NR3C2: variants seen among roughly 807,000 people sequenced by gnomAD.
The protein encoded by NR3C2 is mineralocorticoid receptor.
A neutral mutation model predicts 86.4 loss-of-function variants in NR3C2; 15 were observed. That is an observed-to-expected ratio of 0.17 (90% CI 0.12 to 0.27). NR3C2 has a LOEUF of 0.27. Among genes scored for constraint, NR3C2 ranks in the 10% least tolerant of loss-of-function variants. NR3C2 has a pLI of 1.00. For synonymous variants in NR3C2, 458 were observed against 450.5 expected (o/e 1.02, Z -0.21); for missense variants, 960 against 1,195.6 (o/e 0.80, Z 2.91).
intron 8 of NR3C2, among the ~76,000 whole-genome samples, chr4:148,095,601 C>G (rs550477761): frequency 6.6e-6 from 1 of 152,176 alleles, no homozygotes; most frequent in Non-Finnish European, 1.5e-5. Context: ...TGAGCATGCT[C>G]GGTGCAGCAG....
At chr4:148,395,555 T>C (rs946468006) in intron 2 of NR3C2, among the ~76,000 whole-genome samples, 11 of 152,230 alleles carry the variant, frequency 7.2e-5, no homozygotes, top group African/African-American at 9.6e-5. Context: ...ACTTCTGTGA[T>C]TGAAGCAGAT....
chr4:148,439,390 C>A (rs140576998), intron 1 of NR3C2, among the ~76,000 whole-genome samples: 117 of 152,266 alleles, frequency 7.7e-4, no homozygotes, highest in African/African-American at 2.6e-3. Context: ...CCCCCACACA[C>A]CCCCAAATTC....
intron 3 of NR3C2, among the ~76,000 whole-genome samples, chr4:148,204,211 A>G (rs1466820616): frequency 6.6e-6 from 1 of 152,228 alleles, no homozygotes; most frequent in Non-Finnish European, 1.5e-5. Flanking sequence ...ACCTTGAGAA[A>G]CACTTATTAT....
At chr4:148,335,686 T>C (rs2149974461) in intron 2 of NR3C2, among the ~76,000 whole-genome samples, 1 of 152,176 alleles carries the variant, frequency 6.6e-6, no homozygotes, top group Middle Eastern at 3.4e-3. Context: ...TACACAGCTG[T>C]ACCCCCTCGA....
intron 7 of NR3C2, 132 bp from the exon 8 acceptor site, chr4:148,114,393 G>T: frequency 1.0e-6 from 1 of 959,656 alleles, no homozygotes; most frequent in Non-Finnish European, 1.6e-6. Flanking sequence ...AATAAATATG[G>T]CAGCTGTCTA....
Position 148,291,946 on chromosome 4 carries a change from A to G in NR3C2, c.1758-31829T>C, listed in dbSNP as rs182552149. Among the ~76,000 whole-genome samples, 281 of 152,270 alleles carry G rather than the reference A, an allele frequency of 1.8e-3. 3 individuals carry two copies. The highest frequency in any genetic ancestry group is 2.5e-3 in the Non-Finnish European group (170 of 67,964). On this transcript the variant is annotated intron_variant, in intron 2 of 8. Transcript: ENST00000358102. ...TCTAACACAAAGCCTATTTCATAAC[A>G]GCATGTTGAATATCTCATGTAATTT...
chr4:148,419,513 T>C (rs190185076), intron 2 of NR3C2, among the ~76,000 whole-genome samples: 1 of 152,308 alleles, frequency 6.6e-6, no homozygotes, highest in African/African-American at 2.4e-5. Context: ...AGACATGATA[T>C]AAAATACTTC....
At chr4:148,235,166 T>C (rs1353442332) in intron 3 of NR3C2, among the ~76,000 whole-genome samples, 1 of 151,816 alleles carries the variant, frequency 6.6e-6, no homozygotes, top group East Asian at 1.9e-4. Context: ...TAAACACTTA[T>C]AAAAACAACT....
chr4:148,156,983 G>A (rs561526506), intron 4 of NR3C2, among the ~76,000 whole-genome samples: 1 of 151,920 alleles, frequency 6.6e-6, no homozygotes, highest in African/African-American at 2.4e-5. Flanking sequence ...CCATAAAAAA[G>A]GATGAGTTCA....
chr4:148,420,296 C>T (rs371854849), intron 2 of NR3C2, among the ~76,000 whole-genome samples: 1 of 152,126 alleles, frequency 6.6e-6, no homozygotes, highest in East Asian at 1.9e-4. Flanking sequence ...AGGATCTAAC[C>T]AAGCCTGAGG....
intron 2 of NR3C2, among the ~76,000 whole-genome samples, chr4:148,379,982 A>G (rs1746882701): frequency 1.3e-5 from 2 of 152,236 alleles, no homozygotes; most frequent in Admixed American, 6.5e-5. Flanking sequence ...TTATTCAAAA[A>G]GGTATAAGGG....
intron 4 of NR3C2, among the ~76,000 whole-genome samples, chr4:148,157,447 G>T (rs1373990052): frequency 2.0e-5 from 3 of 152,096 alleles, no homozygotes; most frequent in Non-Finnish European, 4.4e-5. Context: ...TAAGGAAACA[G>T]AGACCAGAAA....
intron 2 of NR3C2, among the ~76,000 whole-genome samples, chr4:148,312,091 T>C (rs1405159337): frequency 6.6e-6 from 1 of 152,196 alleles, no homozygotes; most frequent in Non-Finnish European, 1.5e-5. Context: ...CTTTGTTTAT[T>C]GTGTAGTGGT....
intron 2 of NR3C2, among the ~76,000 whole-genome samples, chr4:148,306,339 T>G (rs1742622845): frequency 1.3e-5 from 2 of 152,230 alleles, no homozygotes; most frequent in African/African-American, 4.8e-5. Flanking sequence ...GACACTGTTG[T>G]GTTCATTTTT....
chr4:148,091,969 G>A (rs181877057), intron 8 of NR3C2, among the ~76,000 whole-genome samples: 1 of 152,250 alleles, frequency 6.6e-6, no homozygotes, highest in East Asian at 1.9e-4. Context: ...ATCAGGATGT[G>A]TCAGTTTTGG....
At chr4:148,223,250 C>T (rs2149829901) in intron 3 of NR3C2, among the ~76,000 whole-genome samples, 1 of 152,124 alleles carries the variant, frequency 6.6e-6, no homozygotes, top group East Asian at 1.9e-4. Flanking sequence ...ATTCTTTCTC[C>T]CCAGCCTCAA....
At chr4:148,147,391 C>T (rs188732981) in intron 6 of NR3C2, among the ~76,000 whole-genome samples, 1 of 152,342 alleles carries the variant, frequency 6.6e-6, no homozygotes, top group East Asian at 1.9e-4. Flanking sequence ...TAAACTTCAT[C>T]CTCATAATTA....
chr4:148,210,443 G>A (rs574417904), intron 3 of NR3C2, among the ~76,000 whole-genome samples: 9 of 152,192 alleles, frequency 5.9e-5, no homozygotes, highest in African/African-American at 1.9e-4. Context: ...TGCCTGCCTC[G>A]GGCTCCCAAA....
chr4:148,347,847 C>T (rs146686720), intron 2 of NR3C2, among the ~76,000 whole-genome samples: 1 of 152,178 alleles, frequency 6.6e-6, no homozygotes, highest in African/African-American at 2.4e-5. Context: ...GTTTATATGG[C>T]TTACAATTTC....
Sources: gnomAD v4.1 joint callset for allele counts (sites outside exome capture counted in the v4.1 genomes callset) on GRCh38, gnomAD v4.1.1 for gene constraint, MANE v1.5 for transcripts, NCBI Gene and HGNC (gene_info 2026-07-23, HGNC 2026-07-21) for gene names.